Variants in ZNF385D observed in about 807,000 individuals in gnomAD.
ZNF385D encodes the protein zinc finger protein 659.
Under a neutral mutation model 35.8 loss-of-function variants are expected in ZNF385D, and 15 were observed. The ratio of observed to expected loss-of-function variants is 0.42; its 90% confidence interval spans 0.28 to 0.64. The LOEUF (loss-of-function observed/expected upper bound fraction) is 0.64, where lower values mean the gene tolerates loss of function less well. Ranked by LOEUF, ZNF385D falls within the 30% of genes least tolerant of loss-of-function variation. ZNF385D has a pLI of 0.23. For missense variants in ZNF385D, 474 were observed against 494.6 expected, an observed-to-expected ratio of 0.96 and a Z score of 0.39; for synonymous variants, 212 against 186.8, an observed-to-expected ratio of 1.13 and a Z score of -1.10.
intron 3 of ZNF385D, among the ~76,000 whole-genome samples, chr3:22,085,988 G>A (rs565850129): frequency 5.9e-5 from 9 of 152,124 alleles, no homozygotes; most frequent in Middle Eastern, 3.2e-3. Flanking sequence ...AAAGGCCTTC[G>A]ACAAAATTCA....
chr3:22,124,094 A>G (rs928012766), intron 3 of ZNF385D, among the ~76,000 whole-genome samples: 5 of 151,254 alleles, frequency 3.3e-5, no homozygotes, highest in Non-Finnish European at 7.4e-5. Flanking sequence ...TCACCCCTAC[A>G]ATTCTCAGCT....
chr3:22,095,172 TAGTCTTGGTCTCC>T (rs1701548760), intron 3 of ZNF385D, among the ~76,000 whole-genome samples: 1 of 149,344 alleles, frequency 6.7e-6, no homozygotes, highest in Non-Finnish European at 1.5e-5. Flanking sequence ...TGGCCTCAAG[TAGTCTTGGTCTCC>T]CAAAGCACTG....
intron 2 of ZNF385D, among the ~76,000 whole-genome samples, chr3:21,568,299 A>G (rs2063218377): frequency 6.6e-6 from 1 of 152,210 alleles, no homozygotes; most frequent in Non-Finnish European, 1.5e-5. Context: ...ATGATACCAC[A>G]TGCCGTATAA....
chr3:22,237,706 C>T (rs7610306), intron 2 of ZNF385D, among the ~76,000 whole-genome samples: 2 of 151,938 alleles, frequency 1.3e-5, no homozygotes, highest in Non-Finnish European at 2.9e-5. Flanking sequence ...TGCAGTGGCA[C>T]GATCTCAGCT....
In ZNF385D at chr3:21,418,109, G is replaced by A. The variant is rs1320679925; in HGVS notation, c.*3105C>T. 1.3e-5 allele frequency: 2 copies of A among 152,084 alleles called. No homozygotes were observed. Among genetic ancestry groups the A allele is most frequent in the African/African-American group, 2.4e-5 (1 of 41,416 alleles). 9.4% of individuals were successfully genotyped at this position (152,084 alleles called of 1,614,324 possible). A position where few individuals can be genotyped will look rare whatever the true frequency, so the allele number is the denominator to read the frequency against. ...GACGATCTGATTGAGGTGCAACAAT[G>A]CTTTTTCCAGAGGCATTTGGCTTCT... On this transcript the variant is annotated 3_prime_UTR_variant, in exon 8 of 8. Coordinates refer to ENST00000281523, the MANE Select transcript of ZNF385D (RefSeq NM_024697.3).
At chr3:21,743,024 G>A (rs2069593323) in intron 1 of ZNF385D, among the ~76,000 whole-genome samples, 1 of 152,162 alleles carries the variant, frequency 6.6e-6, no homozygotes, top group Non-Finnish European at 1.5e-5. Flanking sequence ...TCTCCAAATA[G>A]AACCGTGAGA....
chr3:22,346,020 A>C (rs901122471), intron 2 of ZNF385D, among the ~76,000 whole-genome samples: 4 of 151,676 alleles, frequency 2.6e-5, no homozygotes, highest in Non-Finnish European at 5.9e-5. Flanking sequence ...CCCAAAAAGA[A>C]CTCCTTGCAT....
intron 3 of ZNF385D, among the ~76,000 whole-genome samples, chr3:21,979,259 A>G (rs1694263192): frequency 6.6e-6 from 1 of 152,142 alleles, no homozygotes; most frequent in South Asian, 2.1e-4. Context: ...AGAAGGGGGA[A>G]AAAAACCCAC....
intron 2 of ZNF385D, among the ~76,000 whole-genome samples, chr3:22,335,404 G>A (rs893020161): frequency 4.6e-5 from 7 of 152,152 alleles, no homozygotes; most frequent in African/African-American, 1.7e-4. Context: ...AGCATTAGAT[G>A]TGGTCTAATA....
intron 3 of ZNF385D, among the ~76,000 whole-genome samples, chr3:22,105,641 A>G (rs939654040): frequency 1.3e-5 from 2 of 152,024 alleles, no homozygotes; most frequent in African/African-American, 2.4e-5. Flanking sequence ...ACCAAGGGCA[A>G]GAGATGACAG....
intron 3 of ZNF385D, among the ~76,000 whole-genome samples, chr3:22,114,918 T>C (rs1302300270): frequency 2.0e-5 from 3 of 152,088 alleles, no homozygotes; most frequent in Admixed American, 1.3e-4. Flanking sequence ...CCTTCCACCA[T>C]GTGAAAGCAC....
chr3:22,070,420 C>T (rs907712545), intron 3 of ZNF385D, among the ~76,000 whole-genome samples: 3 of 152,028 alleles, frequency 2.0e-5, no homozygotes, highest in African/African-American at 7.2e-5. Flanking sequence ...TTTAATATGT[C>T]ATTATATGGT....
At chr3:22,121,770 G>C (rs1303957556) in intron 3 of ZNF385D, among the ~76,000 whole-genome samples, 2 of 151,106 alleles carry the variant, frequency 1.3e-5, no homozygotes, top group Non-Finnish European at 2.9e-5. Context: ...CCTTTCTCTT[G>C]GGTTTCATTA....
At chr3:21,670,939 C>T (rs899404877) in intron 1 of ZNF385D, among the ~76,000 whole-genome samples, 3 of 151,976 alleles carry the variant, frequency 2.0e-5, no homozygotes, top group African/African-American at 7.2e-5. Flanking sequence ...GTGCTTCTTG[C>T]TCAGTCTAGG....
intron 2 of ZNF385D, among the ~76,000 whole-genome samples, chr3:22,273,070 A>C (rs2125365239): frequency 6.6e-6 from 1 of 152,134 alleles, no homozygotes; most frequent in South Asian, 2.1e-4. Flanking sequence ...GAAAGAGAGA[A>C]AGAGAGAAAA....
At chr3:22,229,517 C>G (rs1175910338) in intron 2 of ZNF385D, among the ~76,000 whole-genome samples, 1 of 152,198 alleles carries the variant, frequency 6.6e-6, no homozygotes, top group East Asian at 1.9e-4. Flanking sequence ...TTGCCATTCC[C>G]TTTATGATTG....
At chr3:21,598,239 T>C (rs541049365) in intron 2 of ZNF385D, among the ~76,000 whole-genome samples, 2 of 152,320 alleles carry the variant, frequency 1.3e-5, no homozygotes, top group African/African-American at 4.8e-5. Flanking sequence ...GGTAAAATTA[T>C]ACACATATAT....
chr3:21,504,866 G>T (rs991540595), intron 4 of ZNF385D, among the ~76,000 whole-genome samples: 1 of 152,146 alleles, frequency 6.6e-6, no homozygotes, highest in Non-Finnish European at 1.5e-5. Context: ...AAGAGATGTG[G>T]TTTATGTACT....
At chr3:22,021,117 G>C (rs930798916) in intron 3 of ZNF385D, among the ~76,000 whole-genome samples, 1 of 151,806 alleles carries the variant, frequency 6.6e-6, no homozygotes, top group African/African-American at 2.4e-5. Flanking sequence ...AGAGTGAGGG[G>C]GATGGGGTTA....
Sources: allele counts gnomAD v4.1 joint callset (sites outside exome capture counted in the v4.1 genomes callset), GRCh38; gene constraint gnomAD v4.1.1; transcripts MANE v1.5; gene names NCBI Gene and HGNC (gene_info 2026-07-23, HGNC 2026-07-21).